Variants in CPEB3 observed in about 807,000 individuals in gnomAD.
CPEB3 encodes the protein cytoplasmic polyadenylation element binding protein 3.
In CPEB3, 20 loss-of-function variants were observed where a neutral mutation model predicts 67.2. The ratio of observed to expected loss-of-function variants is 0.30; its 90% CI spans 0.21 to 0.43. The LOEUF (loss-of-function observed/expected upper bound fraction) is 0.43, where lower values mean the gene tolerates loss of function less well. Ranked by LOEUF, CPEB3 falls within the 20% of genes least tolerant of loss-of-function variation. The probability of loss-of-function intolerance (pLI) is 1.00; values close to 1 mark genes in which losing one functional copy is unlikely to be tolerated. For synonymous variants in CPEB3, 376 were observed against 393.1 expected, an observed-to-expected ratio of 0.96 and a Z score of 0.51; for missense variants, 746 against 968.6, an observed-to-expected ratio of 0.77 and a Z score of 3.05.
intron 6 of CPEB3, among the ~76,000 whole-genome samples, chr10:92,124,602 C>A (rs1226158833): frequency 6.6e-6 from 1 of 151,988 alleles, no homozygotes; most frequent in African/African-American, 2.4e-5. Context: ...AAGCCAGGAC[C>A]TGATTTTTTT....
chr10:92,256,632 G>A (rs567244280), intron 1 of CPEB3, among the ~76,000 whole-genome samples: 9 of 152,116 alleles, frequency 5.9e-5, no homozygotes, highest in Middle Eastern at 6.8e-3. Context: ...TGATCCGCCC[G>A]CCTCAGCCTC....
intron 6 of CPEB3, among the ~76,000 whole-genome samples, chr10:92,126,088 C>G (rs1286001581): frequency 6.6e-6 from 1 of 152,162 alleles, no homozygotes; most frequent in Non-Finnish European, 1.5e-5. Context: ...ACCTATGTCA[C>G]AGCTAGGTGT....
rs182156247 is a variant in CPEB3 at position 92,169,207 on chromosome 10, C to T, written c.1222+11756G>A. 3.8e-3 allele frequency among the ~76,000 whole-genome samples: 572 copies of T among 151,192 alleles called. 3 individuals carry two copies. The highest frequency in any genetic ancestry group is 0.013 in the African/African-American group (539 of 41,038). ...AGGCTAGAGTGCAATGGTGCAGTCT[C>T]GGCTCACTGCAACCTCCACCTCCCA... On this transcript the variant is annotated intron_variant, in intron 4 of 9. Transcript: ENST00000265997.
At chr10:92,235,321 C>G (rs1035505033) in intron 2 of CPEB3, among the ~76,000 whole-genome samples, 1 of 152,118 alleles carries the variant, frequency 6.6e-6, no homozygotes, top group South Asian at 2.1e-4. Context: ...TGGCGGGCAC[C>G]TGTAATTCCA....
At chr10:92,119,162 T>C (rs1008673126) in intron 6 of CPEB3, 9 of 1,582,798 alleles carry the variant, frequency 5.7e-6, no homozygotes, top group African/African-American at 1.3e-5. Context: ...GGCAGCCATA[T>C]GAAGAACGGA....
Position 92,143,036 on chromosome 10 carries a change from A to T in CPEB3, c.1446T>A (p.Pro482=). 1 of 1,611,676 alleles carries T rather than the reference A, an allele frequency of 6.2e-7. No individual in the cohort carries two copies. Among genetic ancestry groups the T allele is most frequent in the Non-Finnish European group, 8.5e-7 (1 of 1,178,076 alleles). ...PHKAESKSYF[P]PKGYAFLLFQ... ...ACATTTTAAGAGCATTACCTTTAGG[A>T]GGAAAATAAGACTTGCTTTCAGCTT... is the stretch of plus-strand genomic sequence containing the variant. Residue 482 remains proline, a synonymous_variant, in exon 6 of 10, where the codon CCT becomes CCA. Coordinates refer to ENST00000265997, the MANE Select transcript of CPEB3 (RefSeq NM_014912.5).
chr10:92,105,718 T>TG (rs1297005952), intron 7 of CPEB3, among the ~76,000 whole-genome samples: 2 of 145,080 alleles, frequency 1.4e-5, no homozygotes, highest in East Asian at 2.0e-4. Context: ...TTTGTGGGTT[T>TG]TTTTTTTTTT....
At chr10:92,102,635 A>G (rs1161791988) in intron 7 of CPEB3, among the ~76,000 whole-genome samples, 1 of 152,238 alleles carries the variant, frequency 6.6e-6, no homozygotes, top group Non-Finnish European at 1.5e-5. Context: ...GAAATACAGC[A>G]TGCATAAACT....
At chr10:92,253,697 T>C (rs1852402547) in intron 1 of CPEB3, among the ~76,000 whole-genome samples, 2 of 152,032 alleles carry the variant, frequency 1.3e-5, no homozygotes, top group Non-Finnish European at 2.9e-5. Context: ...TGAGCTGTGA[T>C]TGTGCCACTG....
intron 2 of CPEB3, among the ~76,000 whole-genome samples, chr10:92,218,025 G>T (rs570615398): frequency 6.6e-6 from 1 of 152,104 alleles, no homozygotes; most frequent in African/African-American, 2.4e-5. Context: ...TGGGAGGATC[G>T]CCTGATCCCA....
At chr10:92,076,859 G>A (rs1842956501) in intron 9 of CPEB3, among the ~76,000 whole-genome samples, 2 of 151,632 alleles carry the variant, frequency 1.3e-5, no homozygotes, top group Non-Finnish European at 2.9e-5. Context: ...GAAGAAAGGA[G>A]GAGGAGGAAA....
At chr10:92,249,168 G>C (rs534126282) in intron 1 of CPEB3, among the ~76,000 whole-genome samples, 40 of 152,116 alleles carry the variant, frequency 2.6e-4, no homozygotes, top group African/African-American at 9.4e-4. Flanking sequence ...CACGAGGTCA[G>C]GAGATTGAGA....
At chr10:92,119,170 G>A (rs554063511) in intron 6 of CPEB3, 46 of 1,581,946 alleles carry the variant, frequency 2.9e-5, no homozygotes, top group African/African-American at 6.7e-5. Context: ...TATGAAGAAC[G>A]GAGGTTCCCA....
At chr10:92,269,599 C>G (rs1853212280) in intron 1 of CPEB3, among the ~76,000 whole-genome samples, 1 of 152,038 alleles carries the variant, frequency 6.6e-6, no homozygotes, top group African/African-American at 2.4e-5. Context: ...GTTCTGTCAC[C>G]CAGGCTGGAG....
chr10:92,232,396 T>C (rs1250697987), intron 2 of CPEB3, among the ~76,000 whole-genome samples: 2 of 151,448 alleles, frequency 1.3e-5, no homozygotes, highest in African/African-American at 4.9e-5. Flanking sequence ...CAAAACACTA[T>C]AAAAAATCAA....
intron 6 of CPEB3, among the ~76,000 whole-genome samples, chr10:92,120,317 G>A (rs1845297354): frequency 6.6e-6 from 1 of 150,742 alleles, no homozygotes; most frequent in South Asian, 2.1e-4. Flanking sequence ...GGGCACGGTG[G>A]CTCACACCTG....
At chr10:92,247,204 G>A (rs987967567) in intron 1 of CPEB3, among the ~76,000 whole-genome samples, 5 of 152,100 alleles carry the variant, frequency 3.3e-5, no homozygotes, top group Middle Eastern at 3.4e-3. Context: ...CCATAAAAGA[G>A]GTACCTTCTT....
At chr10:92,268,104 G>A (rs147381763) in intron 1 of CPEB3, among the ~76,000 whole-genome samples, 36 of 152,124 alleles carry the variant, frequency 2.4e-4, no homozygotes, top group African/African-American at 7.9e-4. Context: ...GCCAGCCACC[G>A]CGACCGGCCG....
At chr10:92,277,631 C>T (rs368268476) in intron 1 of CPEB3, among the ~76,000 whole-genome samples, 1 of 152,106 alleles carries the variant, frequency 6.6e-6, no homozygotes, top group African/African-American at 2.4e-5. Flanking sequence ...TGGCTCATGC[C>T]CGTAATCCGA....
Sources: gnomAD v4.1 joint callset for allele counts (sites outside exome capture counted in the v4.1 genomes callset) on GRCh38, gnomAD v4.1.1 for gene constraint, MANE v1.5 for transcripts, NCBI Gene and HGNC (gene_info 2026-07-23, HGNC 2026-07-21) for gene names.